FBN1: variants seen among roughly 807,000 people sequenced by gnomAD.
FBN1 encodes fibrillin 1, also known as fibrillin-1.
In FBN1, 29 loss-of-function variants were observed where a neutral mutation model predicts 365.1. That is an observed-to-expected ratio of 0.08 (90% CI 0.06 to 0.11). The LOEUF is 0.11. FBN1 is among the 10% of genes least tolerant of loss of function. The pLI is 1.00. For missense variants in FBN1, 2,476 were observed against 3,703.2 expected, an observed-to-expected ratio of 0.67 and a Z score of 8.60; for synonymous variants, 1,210 against 1,270.5, an observed-to-expected ratio of 0.95 and a Z score of 1.01.
At chr15:48,499,355 G>T (rs1597571624) in intron 17 of FBN1, among the ~76,000 whole-genome samples, 2 of 152,304 alleles carry the variant, frequency 1.3e-5, no homozygotes, top group East Asian at 3.9e-4. Context: ...GGTGAAATGT[G>T]CCTGTTAAAA....
intron 24 of FBN1, 144 bp from the exon 25 acceptor site, chr15:48,490,222 A>C (rs1162764758): frequency 1.2e-5 from 9 of 769,194 alleles, no homozygotes; most frequent in Non-Finnish European, 2.0e-5. Context: ...TCCTCAAAAA[A>C]AACCCCAGGC....
chr15:48,513,845 A>C (rs1447279849), intron 12 of FBN1, among the ~76,000 whole-genome samples, 177 bp from the exon 13 acceptor site: 1 of 152,192 alleles, frequency 6.6e-6, no homozygotes, highest in Admixed American at 6.5e-5. Flanking sequence ...AGACTGGTTG[A>C]GCAGTTAAAG....
chr15:48,436,901 A>G, intron 53 of FBN1, 60 bp downstream of exon 53: 1 of 1,029,488 alleles, frequency 9.7e-7, no homozygotes, highest in Non-Finnish European at 1.5e-6. Context: ...TATACAGTGA[A>G]TACTGTATAG....
intron 50 of FBN1, among the ~76,000 whole-genome samples, chr15:48,441,411 C>T (rs946144486): frequency 6.6e-6 from 1 of 152,128 alleles, no homozygotes; most frequent in African/African-American, 2.4e-5. Flanking sequence ...CTCAACTTCC[C>T]CCAGGCTTTG....
intron 37 of FBN1, 91 bp from the exon 38 acceptor site, chr15:48,468,193 C>A: frequency 6.6e-7 from 1 of 1,522,482 alleles, no homozygotes; most frequent in South Asian, 1.1e-5. Context: ...GTTCAAAAAC[C>A]GTAATTTACT....
chr15:48,632,531 G>C (rs1331418607), intron 2 of FBN1, among the ~76,000 whole-genome samples: 1 of 152,236 alleles, frequency 6.6e-6, no homozygotes, highest in Non-Finnish European at 1.5e-5. Flanking sequence ...TCACTCGTCT[G>C]AGGTTTCCTC....
intron 24 of FBN1, among the ~76,000 whole-genome samples, chr15:48,491,065 T>C (rs2043554236): frequency 6.6e-6 from 1 of 152,232 alleles, no homozygotes; most frequent in Non-Finnish European, 1.5e-5. Context: ...AGATAAATTA[T>C]TTTTAAGTGA....
At position 48,547,410 on chromosome 15, in the gene FBN1, G is replaced by A. The variant is rs561269577; in HGVS notation, c.539-9602C>T. Among the ~76,000 whole-genome samples, 4 of 152,256 alleles carry A rather than the reference G, an allele frequency of 2.6e-5. No individual in the cohort carries two copies. The South Asian group carries it at 8.3e-4, about 32-fold the overall frequency. On this transcript the variant is annotated intron_variant, in intron 6 of 65. Coordinates refer to ENST00000316623, the MANE Select transcript of FBN1 (RefSeq NM_000138.5). The stretch of plus-strand genomic sequence containing the variant: ...AGGGCATGGGAATCCAAGACCACTA[G>A]CTTTAGCTGCCAGCCCTGAGTTCAT...
At position 48,452,624 on chromosome 15, in the gene FBN1, G is replaced by T. The variant is rs747650508; in HGVS notation, c.5483C>A (p.Ala1828Glu). 2.5e-6 allele frequency: 4 copies of T among 1,614,158 alleles called. No homozygotes were observed. Among genetic ancestry groups the T allele is most frequent in the Non-Finnish European group, 3.4e-6 (4 of 1,179,972 alleles). Residue 1828 changes from alanine to glutamate, a missense_variant, in exon 45 of 66, where the codon GCA becomes GAA. Transcript: ENST00000316623. ...CQRNAECINT[A>E]GSYRCDCKPG... Reference sequence around the variant, plus strand: ...CTTACAGTCACAGCGGTAGCTGCCTGCAGTGTTGATGCATTCGGCGTTGCG... The same window carrying T: ...CTTACAGTCACAGCGGTAGCTGCCTTCAGTGTTGATGCATTCGGCGTTGCG...
At chr15:48,522,383 T>C (rs1204076928) in intron 9 of FBN1, among the ~76,000 whole-genome samples, 1 of 152,152 alleles carries the variant, frequency 6.6e-6, no homozygotes, top group Non-Finnish European at 1.5e-5. Flanking sequence ...ATAAATGTAA[T>C]GTACTTGAAT....
chr15:48,617,328 C>G (rs1889677061), intron 2 of FBN1, among the ~76,000 whole-genome samples: 1 of 152,068 alleles, frequency 6.6e-6, no homozygotes, highest in Non-Finnish European at 1.5e-5. Flanking sequence ...GCACACACCA[C>G]TACACCCAGC....
intron 2 of FBN1, among the ~76,000 whole-genome samples, chr15:48,623,701 T>C (rs887546686): frequency 1.1e-4 from 17 of 152,170 alleles, no homozygotes; most frequent in African/African-American, 3.9e-4. Flanking sequence ...GTGACCTTGA[T>C]AGGTCTCTTT....
intron 7 of FBN1, among the ~76,000 whole-genome samples, chr15:48,536,047 A>G (rs1159327703): frequency 1.3e-5 from 2 of 152,090 alleles, no homozygotes; most frequent in Non-Finnish European, 2.9e-5. Context: ...AGCCCCTCAC[A>G]TCTGACCCAA....
chr15:48,418,113 A>AT (rs899588555), intron 63 of FBN1, among the ~76,000 whole-genome samples: 4 of 152,130 alleles, frequency 2.6e-5, no homozygotes, highest in Admixed American at 6.5e-5. Flanking sequence ...AGGAGAAATG[A>AT]TTTTTTTTAT....
intron 6 of FBN1, among the ~76,000 whole-genome samples, chr15:48,541,377 T>C (rs988568670): frequency 6.6e-6 from 1 of 152,228 alleles, no homozygotes; most frequent in African/African-American, 2.4e-5. Context: ...AACTGGCTTA[T>C]TTGACAGTAC....
rs532573637 is a variant in FBN1, at chr15:48,472,694, C to T, written c.4211-18G>A. On this transcript the variant is annotated intron_variant, in intron 34 of 65. Coordinates refer to ENST00000316623, the MANE Select transcript of FBN1 (RefSeq NM_000138.5). ...ATCAAGGTCTACAGCCAGAAAGAAA[C>T]ACACGTTACTCTTCCTCGGTTAGGG... 17 of 1,614,144 alleles carry T rather than the reference C, an allele frequency of 1.1e-5. No individual in the cohort carries two copies. The highest frequency in any genetic ancestry group is 8.3e-5 in the Admixed American group (5 of 60,026).
At position 48,470,861 on chromosome 15, in the gene FBN1, G is replaced by A. The variant is rs1299021837; in HGVS notation, c.4337-105C>T. ...AATGTAAATACTAAGAAAATGCAGA[G>A]TATCTAACACCAATCTGGGCACTTC... On this transcript the variant is annotated intron_variant, in intron 35 of 65. Coordinates refer to ENST00000316623, the MANE Select transcript of FBN1 (RefSeq NM_000138.5). 1.1e-5 allele frequency: 14 copies of A among 1,279,894 alleles called. No individual in the cohort carries two copies. The Admixed American group carries it at 2.8e-4, about 25-fold the overall frequency. 79.3% of individuals were successfully genotyped at this position (1,279,894 alleles called of 1,614,324 possible).
intron 6 of FBN1, among the ~76,000 whole-genome samples, chr15:48,561,963 C>T (rs191114710): frequency 1.2e-4 from 18 of 152,218 alleles, no homozygotes; most frequent in African/African-American, 2.6e-4. Context: ...CTTATTGAAA[C>T]GCAAATCCCT....
intron 53 of FBN1, among the ~76,000 whole-genome samples, chr15:48,435,858 TC>T (rs2043068551): frequency 6.6e-6 from 1 of 151,692 alleles, no homozygotes. Flanking sequence ...CCATTCTTAT[TC>T]TGACACATCC....
Sources: allele counts gnomAD v4.1 joint callset (sites outside exome capture counted in the v4.1 genomes callset), GRCh38; gene constraint gnomAD v4.1.1; transcripts MANE v1.5; gene names NCBI Gene and HGNC (gene_info 2026-07-23, HGNC 2026-07-21).